HSF5: variants seen among roughly 807,000 people sequenced by gnomAD.
HSF5 encodes the protein heat shock transcription factor 5, also known as heat shock factor protein 5.
Under a neutral mutation model 50.8 loss-of-function variants are expected in HSF5, and 5 were observed. The ratio of observed to expected loss-of-function variants is 0.10; its 90% CI spans 0.05 to 0.21. HSF5 has a LOEUF of 0.21. HSF5 is among the 10% of genes least tolerant of loss of function. HSF5 has a pLI of 1.00. For synonymous variants in HSF5, 307 were observed against 307.4 expected (o/e 1.00, Z 0.02); for missense variants, 564 against 762.6 (o/e 0.74, Z 3.07).
intron 2 of HSF5, among the ~76,000 whole-genome samples, chr17:58,472,022 T>G (rs1281680452): frequency 6.6e-6 from 1 of 151,898 alleles, no homozygotes; most frequent in African/African-American, 2.4e-5. Context: ...CCTGGCTAAT[T>G]TTTTTTGGAT....
intron 3 of HSF5, among the ~76,000 whole-genome samples, chr17:58,464,778 G>A (rs1331910479): frequency 6.6e-6 from 1 of 151,904 alleles, no homozygotes; most frequent in Non-Finnish European, 1.5e-5. Context: ...GATTACAAGC[G>A]CCCACCACCA....
At chr17:58,425,173 C>G (rs1222541495) in intron 5 of HSF5, among the ~76,000 whole-genome samples, 1 of 151,954 alleles carries the variant, frequency 6.6e-6, no homozygotes, top group Non-Finnish European at 1.5e-5. Flanking sequence ...CTGAGGCGGG[C>G]AGCTCACCCA....
At chr17:58,443,018 C>A (rs1263762692) in intron 5 of HSF5, among the ~76,000 whole-genome samples, 1 of 152,026 alleles carries the variant, frequency 6.6e-6, no homozygotes, top group Non-Finnish European at 1.5e-5. Flanking sequence ...ATGCCATTCT[C>A]CTGCCTCAGT....
intron 5 of HSF5, among the ~76,000 whole-genome samples, chr17:58,430,316 C>T (rs181095644): frequency 6.6e-6 from 1 of 152,282 alleles, no homozygotes; most frequent in East Asian, 1.9e-4. Flanking sequence ...AGATTATCTA[C>T]CCACCTCAGC....
intron 2 of HSF5, among the ~76,000 whole-genome samples, chr17:58,474,885 T>C (rs1306029579): frequency 1.3e-5 from 2 of 152,206 alleles, no homozygotes; most frequent in Non-Finnish European, 2.9e-5. Context: ...CTGGCCATCT[T>C]GTTTTCAAAG....
chr17:58,447,048 C>T (rs1042302239), intron 5 of HSF5, among the ~76,000 whole-genome samples: 1 of 152,166 alleles, frequency 6.6e-6, no homozygotes, highest in Non-Finnish European at 1.5e-5. Context: ...TCGCTTGAAC[C>T]TGGGAGACAG....
Position 58,480,128 on chromosome 17 carries a change from T to C in HSF5, c.690A>G (p.Ile230Met). 1 of 1,614,188 alleles carries C rather than the reference T, an allele frequency of 6.2e-7. No individual in the cohort carries two copies. Among genetic ancestry groups the C allele is most frequent in the Non-Finnish European group, 8.5e-7 (1 of 1,180,026 alleles). Residue 230 changes from isoleucine to methionine, a missense_variant, in exon 2 of 6, where the codon ATA (isoleucine) becomes ATG (methionine). Physicochemically the swap from Ile to Met is conservative, Grantham distance 10. Around this residue, in one of 5 missense-constraint regions of HSF5, gnomAD observed 441 missense variants for 533.6 expected, o/e 0.83. Transcript: ENST00000323777. ...GLDRTPVPHR[I>M]WQNSLGMHPG... The stretch of plus-strand genomic sequence containing the variant: ...GATGCATTCCAAGGGAGTTCTGCCA[T>C]ATTCTATGAGGAACTGGGGTCCGAT...
chr17:58,422,894 G>A (rs1974245459), intron 5 of HSF5, among the ~76,000 whole-genome samples: 1 of 151,860 alleles, frequency 6.6e-6, no homozygotes, highest in African/African-American at 2.4e-5. Flanking sequence ...CGGGGTTTCA[G>A]CATGTTGGCC....
chr17:58,475,298 G>A (rs904867451), intron 2 of HSF5, among the ~76,000 whole-genome samples: 2 of 152,164 alleles, frequency 1.3e-5, no homozygotes, highest in African/African-American at 2.4e-5. Flanking sequence ...TGTTTTGTGT[G>A]TACACATTTA....
At chr17:58,424,525 T>C (rs1249101693) in intron 5 of HSF5, among the ~76,000 whole-genome samples, 1 of 151,682 alleles carries the variant, frequency 6.6e-6, no homozygotes, top group Non-Finnish European at 1.5e-5. Flanking sequence ...GGCAGGAGAA[T>C]TGTTTGAACC....
chr17:58,484,484 T>A (rs1339275708), intron 1 of HSF5, among the ~76,000 whole-genome samples: 1 of 152,154 alleles, frequency 6.6e-6, no homozygotes, highest in Admixed American at 6.5e-5. Flanking sequence ...TTGGTTTTTA[T>A]GTGTGTGTGT....
chr17:58,434,759 T>C (rs914885848), intron 5 of HSF5, among the ~76,000 whole-genome samples: 5 of 151,896 alleles, frequency 3.3e-5, no homozygotes, highest in African/African-American at 1.2e-4. Flanking sequence ...GAGGCTGAGA[T>C]GGGAGGATTG....
chr17:58,423,464 G>A (rs1381735134), intron 5 of HSF5, among the ~76,000 whole-genome samples: 1 of 147,608 alleles, frequency 6.8e-6, no homozygotes, highest in Non-Finnish European at 1.5e-5. Context: ...ACAACTTCTA[G>A]AGCAACATGA....
chr17:58,440,019 AG>A (rs1332530471), intron 5 of HSF5, among the ~76,000 whole-genome samples: 2 of 152,168 alleles, frequency 1.3e-5, no homozygotes, highest in South Asian at 2.1e-4. Flanking sequence ...TGGTAATGTC[AG>A]GCCTGATAAT....
chr17:58,485,455 G>A (rs1268284754), intron 1 of HSF5, among the ~76,000 whole-genome samples: 1 of 151,490 alleles, frequency 6.6e-6, no homozygotes, highest in Non-Finnish European at 1.5e-5. Context: ...CAAAAATCAA[G>A]TCTACAGGCC....
At chr17:58,474,817 A>G (rs1312092676) in intron 2 of HSF5, among the ~76,000 whole-genome samples, 2 of 152,116 alleles carry the variant, frequency 1.3e-5, no homozygotes, top group African/African-American at 4.8e-5. Context: ...CCTAGGCTCA[A>G]GCAATCCTCC....
intron 1 of HSF5, among the ~76,000 whole-genome samples, chr17:58,484,266 T>C (rs1354897632): frequency 1.3e-5 from 2 of 150,826 alleles, no homozygotes; most frequent in African/African-American, 4.9e-5. Flanking sequence ...TATATATGGA[T>C]TGACATATAA....
intron 3 of HSF5, 135 bp from the exon 4 acceptor site, chr17:58,463,438 CT>C: frequency 2.9e-6 from 2 of 694,792 alleles, no homozygotes; most frequent in African/African-American, 1.8e-5. Flanking sequence ...AACCTAGACA[CT>C]AATCTACTTT....
chr17:58,445,514 T>C (rs749092198), intron 5 of HSF5, among the ~76,000 whole-genome samples: 3 of 152,110 alleles, frequency 2.0e-5, no homozygotes, highest in Non-Finnish European at 4.4e-5. Context: ...TATTAAGAAA[T>C]GAATAAACAA....
Sources: allele counts gnomAD v4.1 joint callset (sites outside exome capture counted in the v4.1 genomes callset), GRCh38; gene constraint gnomAD v4.1.1; regional missense constraint gnomAD v4.1.1; transcripts MANE v1.5; gene names NCBI Gene and HGNC (gene_info 2026-07-23, HGNC 2026-07-21).